ANO2: variants seen among roughly 807,000 people sequenced by gnomAD.
The protein encoded by ANO2 is anoctamin 2.
A neutral mutation model predicts 124.2 loss-of-function variants in ANO2; 101 were observed. The ratio of observed to expected loss-of-function variants is 0.81; its 90% CI spans 0.69 to 0.96. The LOEUF is 0.96. ANO2 is among the 40% of genes least tolerant of loss of function. The pLI is 0.00. For missense variants in ANO2, 1,293 were observed against 1,274.5 expected, an observed-to-expected ratio of 1.01 and a Z score of -0.22; for synonymous variants, 486 against 482.5, an observed-to-expected ratio of 1.01 and a Z score of -0.09.
At chr12:5,571,555 G>A (rs1473360057) in intron 23 of ANO2, among the ~76,000 whole-genome samples, 1 of 152,146 alleles carries the variant, frequency 6.6e-6, no homozygotes, top group Non-Finnish European at 1.5e-5. Context: ...AGTTCCCAAC[G>A]CTATTTGCCA....
intron 10 of ANO2, among the ~76,000 whole-genome samples, chr12:5,796,612 G>A (rs1042405407): frequency 2.6e-5 from 4 of 152,182 alleles, no homozygotes; most frequent in African/African-American, 9.7e-5. Context: ...CCAGAGCAGA[G>A]GCAGGATCGG....
chr12:5,700,849 A>C (rs1286394483), intron 14 of ANO2, among the ~76,000 whole-genome samples: 3 of 152,176 alleles, frequency 2.0e-5, no homozygotes, highest in Non-Finnish European at 4.4e-5. Context: ...TTTGATCCTT[A>C]CCTGACTTAC....
Position 5,563,158 on chromosome 12 carries a change from T to C in ANO2, c.*141A>G. ...ACACTCATTCTGTCAGGCTCTTTCT[T>C]TTTACACACTGCCCCCTCTTCAAGA... On this transcript the variant is annotated 3_prime_UTR_variant, in exon 25 of 25. Coordinates refer to ENST00000682330, the MANE Select transcript of ANO2 (RefSeq NM_001364791.2). 2 of 1,153,552 alleles carry C rather than the reference T, an allele frequency of 1.7e-6. No individual in the cohort carries two copies. The highest frequency in any genetic ancestry group is 3.1e-5 in the African/African-American group (2 of 64,140). The allele number at this position is 1,153,552 out of a possible 1,614,324, so 71.5% of individuals were successfully genotyped here. A position where few individuals can be genotyped will look rare whatever the true frequency, so the allele number is the denominator to read the frequency against.
chr12:5,819,134 A>G (rs1393291333), intron 7 of ANO2, among the ~76,000 whole-genome samples: 1 of 152,200 alleles, frequency 6.6e-6, no homozygotes, highest in Non-Finnish European at 1.5e-5. Flanking sequence ...GAGATGCAAC[A>G]GTGATGGCCT....
chr12:5,821,146 A>G (rs1953783766), intron 7 of ANO2, among the ~76,000 whole-genome samples: 1 of 152,202 alleles, frequency 6.6e-6, no homozygotes, highest in Non-Finnish European at 1.5e-5. Context: ...GAAGTAGCAA[A>G]CACACCAGAC....
intron 14 of ANO2, among the ~76,000 whole-genome samples, chr12:5,721,630 C>T (rs925799959): frequency 3.3e-5 from 5 of 152,128 alleles, no homozygotes; most frequent in African/African-American, 4.8e-5. Flanking sequence ...CTCAGGCTCC[C>T]GAGTAGCTGG....
At chr12:5,886,246 G>C (rs897932882) in intron 3 of ANO2, among the ~76,000 whole-genome samples, 1 of 152,152 alleles carries the variant, frequency 6.6e-6, no homozygotes. Flanking sequence ...GTAAATGAAC[G>C]AATGGATAAA....
intron 16 of ANO2, among the ~76,000 whole-genome samples, chr12:5,618,496 G>A (rs1355472223): frequency 6.6e-6 from 1 of 152,154 alleles, no homozygotes; most frequent in African/African-American, 2.4e-5. Flanking sequence ...GGGAATTGAG[G>A]CCCAGAGAGG....
At chr12:5,649,512 A>G (rs1191510094) in intron 14 of ANO2, among the ~76,000 whole-genome samples, 1 of 152,206 alleles carries the variant, frequency 6.6e-6, no homozygotes, top group Non-Finnish European at 1.5e-5. Context: ...ATTCTTCCAG[A>G]TAAGGCCAAA....
intron 14 of ANO2, among the ~76,000 whole-genome samples, chr12:5,724,404 G>A (rs1950351966): frequency 6.6e-6 from 1 of 152,138 alleles, no homozygotes; most frequent in Non-Finnish European, 1.5e-5. Flanking sequence ...AGCCTGCGTG[G>A]AAAGCCTGGA....
chr12:5,768,459 G>A (rs1257020951), intron 10 of ANO2, among the ~76,000 whole-genome samples: 1 of 152,190 alleles, frequency 6.6e-6, no homozygotes, highest in African/African-American at 2.4e-5. Flanking sequence ...TATATCAAAA[G>A]GGATTTCAAA....
chr12:5,563,445 C>G lies in ANO2; in HGVS notation c.2851G>C (p.Glu951Gln), dbSNP rs1027621179. 5.6e-6 allele frequency: 9 copies of G among 1,613,762 alleles called. No individual in the cohort carries two copies. Among genetic ancestry groups the G allele is most frequent in the Non-Finnish European group, 7.6e-6 (9 of 1,179,826 alleles). Residue 951 changes from glutamate to glutamine, a missense_variant, in exon 25 of 25, where the codon GAG becomes CAG. Glu to Gln is a conservative substitution (Grantham distance 29, BLOSUM62 2). Coordinates refer to ENST00000682330, the MANE Select transcript of ANO2 (RefSeq NM_001364791.2). ...GGCTCATCCATCAGCTTGAGCTTCT[C>G]ATGCTCCTCTTTCAGGAAGAAATCC... ...LVDFFLKEEH[E>Q]KLKLMDEPAL...
chr12:5,698,205 C>A (rs1026219939), intron 14 of ANO2, among the ~76,000 whole-genome samples: 1 of 152,198 alleles, frequency 6.6e-6, no homozygotes, highest in African/African-American at 2.4e-5. Context: ...CCAGTAGGGG[C>A]CGACTGACAC....
intron 10 of ANO2, among the ~76,000 whole-genome samples, chr12:5,768,870 A>G (rs1276164743): frequency 6.6e-6 from 1 of 152,188 alleles, no homozygotes; most frequent in Non-Finnish European, 1.5e-5. Flanking sequence ...GAACTGGGGA[A>G]TTCTTGAGAA....
At chr12:5,646,763 A>G (rs1946660229) in intron 15 of ANO2, among the ~76,000 whole-genome samples, 1 of 152,232 alleles carries the variant, frequency 6.6e-6, no homozygotes, top group Non-Finnish European at 1.5e-5. Flanking sequence ...CAAGGCACCC[A>G]TCAACTCTGT....
chr12:5,908,101 G>A lies in ANO2; in HGVS notation c.534+12939C>T, dbSNP rs190327798. The stretch of plus-strand genomic sequence containing the variant: ...CCAGCAGCAAACCCACACCAGCTCC[G>A]AGGACCCTGGGGCTTCCACTCTGAA... On this transcript the variant is annotated intron_variant, in intron 3 of 24. Coordinates refer to ENST00000682330, the MANE Select transcript of ANO2 (RefSeq NM_001364791.2). The surrounding 1 kb of genome is among the most constrained non-coding windows in gnomAD (Gnocchi z 4.7). Among the ~76,000 whole-genome samples the A allele has an allele frequency of 5.3e-5, 8 of 152,360 alleles. No homozygotes were observed. Among genetic ancestry groups the A allele is most frequent in the African/African-American group, 2.4e-5 (1 of 41,592 alleles).
At position 5,921,165 on chromosome 12, in the gene ANO2, C is replaced by T. The variant is rs1237726530; in HGVS notation, c.409G>A (p.Ala137Thr). 3.7e-6 allele frequency: 6 copies of T among 1,614,000 alleles called. No individual in the cohort carries two copies. The South Asian group carries it at 6.6e-5, about 18-fold the overall frequency. Residue 137 changes from alanine to threonine, a missense_variant, in exon 3 of 25, where the codon GCT becomes ACT. Physicochemically the swap from Ala to Thr is moderately conservative, Grantham distance 58. Coordinates refer to ENST00000682330, the MANE Select transcript of ANO2 (RefSeq NM_001364791.2). Reference protein sequence around the residue: ...SNGETGKEPHAGGPGDIELGP... With the variant: ...SNGETGKEPHTGGPGDIELGP... The stretch of plus-strand genomic sequence containing the variant: ...AGCTCAATGTCACCTGGGCCCCCAG[C>T]ATGAGGCTCCTTGCCTGTCTCCCCA...
At chr12:5,867,786 A>C (rs1955467437) in intron 3 of ANO2, among the ~76,000 whole-genome samples, 1 of 150,792 alleles carries the variant, frequency 6.6e-6, no homozygotes, top group Non-Finnish European at 1.5e-5. Context: ...ATGAAAAAAA[A>C]AAAAAAAAAA....
chr12:5,632,740 G>C (rs142841949), intron 16 of ANO2, among the ~76,000 whole-genome samples: 210 of 152,198 alleles, frequency 1.4e-3, no homozygotes, highest in African/African-American at 4.8e-3. Flanking sequence ...TTCTATTGTT[G>C]CCAACTCTAT....
Sources: allele counts gnomAD v4.1 joint callset (sites outside exome capture counted in the v4.1 genomes callset), GRCh38; gene constraint gnomAD v4.1.1; non-coding constraint Gnocchi (gnomAD v3.1); transcripts MANE v1.5; gene names NCBI Gene and HGNC (gene_info 2026-07-23, HGNC 2026-07-21).